NCOA1: variants seen among roughly 807,000 people sequenced by gnomAD.
The protein encoded by NCOA1 is nuclear receptor coactivator 1.
In NCOA1, 35 loss-of-function variants were observed where a neutral mutation model predicts 150.9. The ratio of observed to expected loss-of-function variants is 0.23; its 90% CI spans 0.18 to 0.31. NCOA1 has a LOEUF of 0.31. Ranked by LOEUF, NCOA1 falls within the 10% of genes least tolerant of loss-of-function variation. NCOA1 has a pLI of 1.00. For synonymous variants in NCOA1, 590 were observed against 630.0 expected (o/e 0.94, Z 0.95); for missense variants, 1,491 against 1,749.3 (o/e 0.85, Z 2.63).
intron 22 of NCOA1, among the ~76,000 whole-genome samples, chr2:24,767,019 T>C (rs1160385320): frequency 6.6e-6 from 1 of 152,082 alleles, no homozygotes; most frequent in African/African-American, 2.4e-5. Context: ...AAAGCTCAGC[T>C]TGGGGGCTGT....
At chr2:24,719,028 CA>C (rs59556004) in intron 14 of NCOA1, among the ~76,000 whole-genome samples, 2,268 of 34,418 alleles carry the variant, frequency 0.066, 4 homozygotes, top group East Asian at 0.2. Context: ...GACTCTGTCC[CA>C]AAAAAAAAAA....
chr2:24,674,123 ATGTG>A (rs146841550), intron 7 of NCOA1, among the ~76,000 whole-genome samples: 21 of 145,588 alleles, frequency 1.4e-4, no homozygotes, highest in African/African-American at 3.8e-4. Context: ...ATATGTATGT[ATGTG>A]TGTGTGTGTG....
In NCOA1 at chr2:24,491,523, C is replaced by CA. The variant is rs1217884346; in HGVS notation, c.-475_-474insA. On this transcript the variant is annotated 5_prime_UTR_variant, in exon 1 of 23. Transcript: ENST00000348332. ...CCGCGGCGCCGGGCCCGAGGAGCGG[C>CA]GGAGGCCGGGGCGGCGCCGCCGCCA... Among the ~76,000 whole-genome samples, 9 of 147,018 alleles carry CA rather than the reference C, an allele frequency of 6.1e-5. No homozygotes were observed. Among genetic ancestry groups the CA allele is most frequent in the African/African-American group, 1.5e-4 (6 of 40,770 alleles).
intron 1 of NCOA1, among the ~76,000 whole-genome samples, chr2:24,548,994 G>C (rs1665719579): frequency 6.6e-6 from 1 of 152,154 alleles, no homozygotes; most frequent in Admixed American, 6.5e-5. Context: ...ACTAGATGGT[G>C]CCCCAGTAGG....
chr2:24,507,968 TTTCA>T (rs1663777286), intron 1 of NCOA1, among the ~76,000 whole-genome samples: 1 of 152,204 alleles, frequency 6.6e-6, no homozygotes, highest in Non-Finnish European at 1.5e-5. Flanking sequence ...AAACAAGTAA[TTTCA>T]TTATAGCATG....
At chr2:24,639,663 T>C (rs1173416565) in intron 3 of NCOA1, among the ~76,000 whole-genome samples, 3 of 151,562 alleles carry the variant, frequency 2.0e-5, no homozygotes, top group East Asian at 3.9e-4. Flanking sequence ...CCGAGGCAGG[T>C]GGATCACGAG....
chr2:24,592,299 A>G (rs994321162), intron 3 of NCOA1, among the ~76,000 whole-genome samples: 4 of 152,196 alleles, frequency 2.6e-5, no homozygotes, highest in Non-Finnish European at 5.9e-5. Context: ...TGTGTAAAGC[A>G]AACTCAGTGA....
chr2:24,705,823 T>TC (rs1673396180), intron 12 of NCOA1, among the ~76,000 whole-genome samples: 2 of 152,186 alleles, frequency 1.3e-5, no homozygotes, highest in African/African-American at 4.8e-5. Flanking sequence ...TCCCCTCACT[T>TC]CATCTTTTTC....
At position 24,563,351 on chromosome 2, in the gene NCOA1, G is replaced by A. The variant is rs1374976336; in HGVS notation, c.-395-944G>A. 2.0e-5 allele frequency among the ~76,000 whole-genome samples: 3 copies of A among 152,144 alleles called. No individual in the cohort carries two copies. In the South Asian group the frequency reaches 6.2e-4, roughly 32 times the overall value. On this transcript the variant is annotated intron_variant, in intron 1 of 22. Coordinates refer to ENST00000348332, the MANE Select transcript of NCOA1 (RefSeq NM_003743.5). Reference sequence around the variant, plus strand: ...AGAGTGATAGGCGTAGGAGTCACAGGTAGAAGTAACTAGCCCCACATTTCT... The same window carrying A: ...AGAGTGATAGGCGTAGGAGTCACAGATAGAAGTAACTAGCCCCACATTTCT...
chr2:24,633,234 A>AC (rs1186173026), intron 3 of NCOA1, among the ~76,000 whole-genome samples: 4 of 151,632 alleles, frequency 2.6e-5, no homozygotes, highest in African/African-American at 9.7e-5. Context: ...TGGGATATTT[A>AC]AAAAAAAACA....
intron 3 of NCOA1, among the ~76,000 whole-genome samples, chr2:24,588,719 G>A (rs1667520238): frequency 6.6e-6 from 1 of 152,146 alleles, no homozygotes; most frequent in African/African-American, 2.4e-5. Context: ...GTCTTTAGTA[G>A]GAGAAGAGGT....
chr2:24,614,469 A>G (rs1416594636), intron 3 of NCOA1, among the ~76,000 whole-genome samples: 1 of 151,616 alleles, frequency 6.6e-6, no homozygotes, highest in African/African-American at 2.4e-5. Flanking sequence ...GGCTCAAGTG[A>G]TCTGCCTGCC....
chr2:24,761,805 G>A (rs145775021), intron 21 of NCOA1, among the ~76,000 whole-genome samples: 29 of 152,174 alleles, frequency 1.9e-4, no homozygotes, highest in African/African-American at 4.6e-4. Flanking sequence ...TTTTTTCTAG[G>A]GCTAATTCTA....
At chr2:24,581,619 G>A (rs943037772) in intron 2 of NCOA1, among the ~76,000 whole-genome samples, 2 of 151,960 alleles carry the variant, frequency 1.3e-5, no homozygotes, top group Non-Finnish European at 2.9e-5. Context: ...GGGTTTTTTC[G>A]GGCTGCCAGC....
At chr2:24,582,455 T>TC (rs1326518258) in intron 2 of NCOA1, among the ~76,000 whole-genome samples, 4 of 151,194 alleles carry the variant, frequency 2.6e-5, no homozygotes, top group Non-Finnish European at 5.9e-5. Context: ...ATTGAAGAGG[T>TC]CCTACAAAAA....
intron 3 of NCOA1, among the ~76,000 whole-genome samples, chr2:24,610,124 CTT>C (rs775178797): frequency 6.2e-4 from 56 of 90,198 alleles, no homozygotes; most frequent in Middle Eastern, 9.1e-3. Flanking sequence ...AGGCTGCATT[CTT>C]TTTTTTTTTT....
At chr2:24,547,784 C>G (rs937718869) in intron 1 of NCOA1, among the ~76,000 whole-genome samples, 4 of 151,762 alleles carry the variant, frequency 2.6e-5, no homozygotes, top group African/African-American at 4.8e-5. Context: ...CTCAGGAGAT[C>G]AAGACCATGC....
At chr2:24,517,556 AG>A (rs1469322910) in intron 1 of NCOA1, among the ~76,000 whole-genome samples, 1 of 152,186 alleles carries the variant, frequency 6.6e-6, no homozygotes, top group Non-Finnish European at 1.5e-5. Context: ...CACAGAAACT[AG>A]AAGGCTAATT....
chr2:24,496,657 T>G (rs931956143), intron 1 of NCOA1, among the ~76,000 whole-genome samples: 1 of 152,210 alleles, frequency 6.6e-6, no homozygotes, highest in African/African-American at 2.4e-5. Flanking sequence ...ACGCTTGAGA[T>G]GCCAGGAACT....
Sources: allele counts gnomAD v4.1 joint callset (sites outside exome capture counted in the v4.1 genomes callset), GRCh38; gene constraint gnomAD v4.1.1; transcripts MANE v1.5; gene names NCBI Gene and HGNC (gene_info 2026-07-23, HGNC 2026-07-21).